The following IPO11 variants were observed in gnomAD, a reference collection of about 807,000 sequenced individuals.
The protein encoded by IPO11 is importin-11.
In IPO11, 66 loss-of-function variants were observed where a neutral mutation model predicts 143.2. That is an observed-to-expected ratio of 0.46 (90% CI 0.38 to 0.57). The LOEUF (loss-of-function observed/expected upper bound fraction) is 0.57, where lower values mean the gene tolerates loss of function less well. Ranked by LOEUF, IPO11 falls within the 20% of genes least tolerant of loss-of-function variation. IPO11 has a pLI of 0.00. For missense variants in IPO11, 1,026 were observed against 1,141.0 expected (o/e 0.90, Z 1.45); for synonymous variants, 385 against 377.8 (o/e 1.02, Z -0.22).
Position 62,595,059 on chromosome 5 carries a change from G to A in IPO11, c.2678+3387G>A, listed in dbSNP as rs143902827. ...ACAGAAGGGGTAGATGCTGGTGCGT[G>A]GTCTCAGACCAGTGGAACAACCTGG... On this transcript the variant is annotated intron_variant, in intron 28 of 29. Transcript: ENST00000325324. Among the ~76,000 whole-genome samples the A allele has an allele frequency of 2.1e-4, 32 of 152,296 alleles. No individual in the cohort carries two copies. In the East Asian group the frequency reaches 4.4e-3, roughly 21 times the overall value.
chr5:62,532,914 A>G (rs1196062756), intron 22 of IPO11, among the ~76,000 whole-genome samples: 4 of 152,176 alleles, frequency 2.6e-5, no homozygotes, highest in Non-Finnish European at 5.9e-5. Flanking sequence ...TTGATAATGG[A>G]TGTTCAATTT....
chr5:62,476,998 T>TA (rs2112211271), intron 9 of IPO11, among the ~76,000 whole-genome samples: 1 of 152,262 alleles, frequency 6.6e-6, no homozygotes, highest in Non-Finnish European at 1.5e-5. Flanking sequence ...TAATAAATAT[T>TA]AGAGTATTTG....
chr5:62,458,861 A>G (rs1031644500), intron 5 of IPO11, among the ~76,000 whole-genome samples: 1 of 152,226 alleles, frequency 6.6e-6, no homozygotes, highest in Admixed American at 6.5e-5. Flanking sequence ...GTATTGATTC[A>G]TAAAGCCTCT....
intron 1 of IPO11, among the ~76,000 whole-genome samples, chr5:62,418,320 C>G (rs1301800970): frequency 6.6e-6 from 1 of 152,110 alleles, no homozygotes; most frequent in East Asian, 1.9e-4. Context: ...CGTGCGCCAC[C>G]ATGCCTGGCT....
chr5:62,611,397 C>A (rs1221662459), intron 29 of IPO11, among the ~76,000 whole-genome samples: 2 of 152,108 alleles, frequency 1.3e-5, no homozygotes, highest in Non-Finnish European at 2.9e-5. Context: ...AAAATAGTTT[C>A]AGATTATAGA....
At chr5:62,444,601 C>T (rs183370399) in intron 3 of IPO11, among the ~76,000 whole-genome samples, 2 of 151,852 alleles carry the variant, frequency 1.3e-5, no homozygotes, top group South Asian at 2.1e-4. Flanking sequence ...CTTGGCTGGG[C>T]ACGGTGGCTC....
intron 27 of IPO11, among the ~76,000 whole-genome samples, chr5:62,563,100 G>C (rs570382287): frequency 1.0e-3 from 158 of 152,314 alleles, no homozygotes; most frequent in African/African-American, 3.6e-3. Context: ...AAGATGAAAA[G>C]ATTTCTTCAC....
intron 27 of IPO11, among the ~76,000 whole-genome samples, chr5:62,578,232 G>A (rs763557979): frequency 9.2e-5 from 14 of 151,916 alleles, no homozygotes; most frequent in Non-Finnish European, 1.2e-4. Flanking sequence ...AGTACCTCAC[G>A]TATTAAGTAG....
intron 19 of IPO11, among the ~76,000 whole-genome samples, chr5:62,508,495 C>T (rs1741637333): frequency 6.6e-6 from 1 of 151,904 alleles, no homozygotes; most frequent in African/African-American, 2.4e-5. Flanking sequence ...AGCCATCTTA[C>T]AATAGTGCTT....
chr5:62,622,568 G>T (rs1746415026), intron 29 of IPO11, among the ~76,000 whole-genome samples: 2 of 152,186 alleles, frequency 1.3e-5, no homozygotes, highest in South Asian at 4.1e-4. Context: ...GAAATAAGCA[G>T]ATGTTCTGTT....
At chr5:62,534,928 G>C (rs1003315743) in intron 22 of IPO11, among the ~76,000 whole-genome samples, 1 of 151,988 alleles carries the variant, frequency 6.6e-6, no homozygotes. Context: ...TTTCTTTAGA[G>C]TCTCACTAGG....
chr5:62,568,294 C>T lies in IPO11; in HGVS notation c.2582+7037C>T, dbSNP rs9764843. Among the ~76,000 whole-genome samples the T allele has an allele frequency of 9.2e-3, 1,389 of 151,746 alleles. 26 individuals are homozygous for T. Among genetic ancestry groups the T allele is most frequent in the African/African-American group, 0.032 (1,339 of 41,376 alleles). Reference sequence around the variant, plus strand: ...GTATTTTCAAATATTCTGTCTTCTACGTTACTCATTTTTTTCTTCTGCTTG... The same window carrying T: ...GTATTTTCAAATATTCTGTCTTCTATGTTACTCATTTTTTTCTTCTGCTTG... On this transcript the variant is annotated intron_variant, in intron 27 of 29. Coordinates refer to ENST00000325324, the MANE Select transcript of IPO11 (RefSeq NM_016338.5).
intron 1 of IPO11, 67 bp downstream of exon 1, chr5:62,412,996 C>T (rs551250212): frequency 9.6e-5 from 1 of 10,366 alleles, no homozygotes; most frequent in South Asian, 7.2e-3. Context: ...GCACCCGAGT[C>T]CCGAGAGGCG....
chr5:62,477,558 A>G lies in IPO11; in HGVS notation c.828+805A>G, dbSNP rs191510791. Among the ~76,000 whole-genome samples the G allele has an allele frequency of 5.3e-5, 8 of 152,334 alleles. No individual in the cohort carries two copies. In the East Asian group the frequency reaches 1.2e-3, roughly 22 times the overall value. ...ACAACAGAAGTTCACCTAATCTTCCAAGATACATTATAAAATTGACTAAGA... is the reference window on the plus strand; with the variant it reads ...ACAACAGAAGTTCACCTAATCTTCCGAGATACATTATAAAATTGACTAAGA... On this transcript the variant is annotated intron_variant, in intron 9 of 29. Coordinates refer to ENST00000325324, the MANE Select transcript of IPO11 (RefSeq NM_016338.5).
In IPO11 at chr5:62,437,422, G is replaced by C; in HGVS notation, c.138+5G>C. 2 of 1,596,474 alleles carry C rather than the reference G, an allele frequency of 1.3e-6. No homozygotes were observed. The highest frequency in any genetic ancestry group is 1.7e-6 in the Non-Finnish European group (2 of 1,174,018). On this transcript the variant is annotated splice_donor_5th_base_variant and intron_variant, in intron 2 of 29. Coordinates refer to ENST00000325324, the MANE Select transcript of IPO11 (RefSeq NM_016338.5). ...GGTTTCTATTCAGTGTTGCTGGTAA[G>C]TTGTTCTAAAATTGTTTGCTTTTCT...
At chr5:62,513,890 G>C (rs1741893587) in intron 19 of IPO11, among the ~76,000 whole-genome samples, 1 of 150,686 alleles carries the variant, frequency 6.6e-6, no homozygotes, top group Non-Finnish European at 1.5e-5. Context: ...CGGCCGGGCA[G>C]AGACGCTCCT....
intron 5 of IPO11, among the ~76,000 whole-genome samples, chr5:62,464,090 C>T (rs1290196297): frequency 6.7e-6 from 1 of 149,138 alleles, no homozygotes; most frequent in Non-Finnish European, 1.5e-5. Context: ...CCCCAGAGTG[C>T]TGGGATTACA....
At chr5:62,602,765 G>C (rs999073444) in intron 29 of IPO11, among the ~76,000 whole-genome samples, 2 of 152,076 alleles carry the variant, frequency 1.3e-5, no homozygotes, top group African/African-American at 4.8e-5. Flanking sequence ...TTTATGCTAG[G>C]TATCATCTCC....
At chr5:62,448,719 G>A (rs1044194596) in intron 3 of IPO11, among the ~76,000 whole-genome samples, 2 of 151,928 alleles carry the variant, frequency 1.3e-5, no homozygotes, top group African/African-American at 4.8e-5. Flanking sequence ...TTCTGCTAAT[G>A]TTTTTTAGTT....
Sources: gnomAD v4.1 joint callset for allele counts (sites outside exome capture counted in the v4.1 genomes callset) on GRCh38, gnomAD v4.1.1 for gene constraint, MANE v1.5 for transcripts, NCBI Gene and HGNC (gene_info 2026-07-23, HGNC 2026-07-21) for gene names.